The following SLC5A8 variants were observed in gnomAD, a reference collection of about 807,000 sequenced individuals.
SLC5A8 encodes sodium-coupled monocarboxylate transporter 1.
A neutral mutation model predicts 71.9 loss-of-function variants in SLC5A8; 55 were observed. That is an observed-to-expected ratio of 0.77 (90% confidence interval 0.62 to 0.96). The LOEUF is 0.96. SLC5A8 is among the 40% of genes least tolerant of loss of function. SLC5A8 has a pLI of 0.00. For missense variants in SLC5A8, 701 were observed against 745.3 expected (o/e 0.94, Z 0.69); for synonymous variants, 307 against 276.1 (o/e 1.11, Z -1.11).
intron 9 of SLC5A8, among the ~76,000 whole-genome samples, chr12:101,182,372 G>A (rs1359313535): frequency 1.3e-5 from 2 of 152,302 alleles, no homozygotes; most frequent in South Asian, 4.1e-4. Flanking sequence ...AACTGACAGT[G>A]CCTTCTTAGG....
intron 13 of SLC5A8, among the ~76,000 whole-genome samples, chr12:101,160,880 C>G (rs977096692): frequency 9.9e-5 from 15 of 151,956 alleles, no homozygotes; most frequent in African/African-American, 3.4e-4. Context: ...TAGGAGTTCT[C>G]AGAGAGAGAA....
At chr12:101,202,110 G>C in intron 3 of SLC5A8, 54 bp downstream of exon 3, 1 of 1,541,378 alleles carries the variant, frequency 6.5e-7, no homozygotes, top group Non-Finnish European at 8.9e-7. Context: ...AATAAGGCTT[G>C]TTGAAAGTGA....
chr12:101,156,775 G>C lies in SLC5A8; in HGVS notation c.*504C>G, dbSNP rs1566302015. 6.5e-6 allele frequency: 1 copy of C among 153,970 alleles called. No individual in the cohort carries two copies. Among genetic ancestry groups the C allele is most frequent in the Non-Finnish European group, 1.4e-5 (1 of 69,260 alleles). 9.5% of individuals were successfully genotyped at this position (153,970 alleles called of 1,614,324 possible). A position where few individuals can be genotyped will look rare whatever the true frequency, so the allele number is the denominator to read the frequency against. Reference sequence around the variant, plus strand: ...GGTTAGTATATGCCCTGGACTGATAGGGGGATAAAAAGCAAAGATCTAGAC... The same window carrying C: ...GGTTAGTATATGCCCTGGACTGATACGGGGATAAAAAGCAAAGATCTAGAC... On this transcript the variant is annotated 3_prime_UTR_variant, in exon 15 of 15. Coordinates refer to ENST00000536262, the MANE Select transcript of SLC5A8 (RefSeq NM_145913.5).
At chr12:101,187,337 G>C (rs760968354) in intron 7 of SLC5A8, 49 bp downstream of exon 7, 2 of 1,560,142 alleles carry the variant, frequency 1.3e-6, no homozygotes, top group Admixed American at 3.8e-5. Context: ...CAACTAATAA[G>C]CTTTTTGAAT....
chr12:101,164,718 G>C (rs2051753549), intron 12 of SLC5A8, among the ~76,000 whole-genome samples: 1 of 152,164 alleles, frequency 6.6e-6, no homozygotes, highest in Admixed American at 6.5e-5. Context: ...CCTCTAAGAA[G>C]GTTTCCTTGA....
Position 101,157,127 on chromosome 12 carries a change from G to T in SLC5A8, c.*152C>A. The stretch of plus-strand genomic sequence containing the variant: ...AACATCAATTAATGATGTAGTAAAT[G>T]AAGATAGTCCAGACTTTGTTTTAAC... On this transcript the variant is annotated 3_prime_UTR_variant, in exon 15 of 15. Coordinates refer to ENST00000536262, the MANE Select transcript of SLC5A8 (RefSeq NM_145913.5). The T allele has an allele frequency of 1.3e-6, 1 of 755,440 alleles. No individual in the cohort carries two copies. The allele number at this position is 755,440 out of a possible 1,614,324, so 46.8% of individuals were successfully genotyped here.
chr12:101,192,201 C>G (rs1054833952), intron 5 of SLC5A8, among the ~76,000 whole-genome samples: 9 of 152,196 alleles, frequency 5.9e-5, no homozygotes, highest in Admixed American at 4.6e-4. Context: ...AACCAAGGTC[C>G]AAGCTAGGCA....
At position 101,204,490 on chromosome 12, in the gene SLC5A8, A is replaced by G. The variant is rs1023821439; in HGVS notation, c.417+10T>C. 1.3e-5 allele frequency: 20 copies of G among 1,584,332 alleles called. No homozygotes were observed. The highest frequency in any genetic ancestry group is 1.7e-5 in the Non-Finnish European group (20 of 1,168,196). On this transcript the variant is annotated intron_variant, in intron 2 of 14. Transcript: ENST00000536262. ...CTGACAAAAGATAAAATAAATGGAG[A>G]GCTACTTACTGTTTGAACAATGAAG...
intron 10 of SLC5A8, among the ~76,000 whole-genome samples, chr12:101,179,671 G>A (rs1245863699): frequency 6.6e-6 from 1 of 152,156 alleles, no homozygotes; most frequent in African/African-American, 2.4e-5. Flanking sequence ...CTACAAATGG[G>A]CAACAGCAAG....
chr12:101,190,321 T>G, intron 6 of SLC5A8, 147 bp downstream of exon 6: 1 of 822,734 alleles, frequency 1.2e-6, no homozygotes, highest in Non-Finnish European at 1.9e-6. Flanking sequence ...AATTTGTTCT[T>G]GGTCCTTTTG....
intron 10 of SLC5A8, among the ~76,000 whole-genome samples, chr12:101,173,510 G>A (rs1345604776): frequency 6.6e-6 from 1 of 152,218 alleles, no homozygotes; most frequent in Non-Finnish European, 1.5e-5. Context: ...GGATCGACCA[G>A]GCAGAATGAC....
At chr12:101,192,454 C>T (rs556974999) in intron 5 of SLC5A8, among the ~76,000 whole-genome samples, 1 of 152,142 alleles carries the variant, frequency 6.6e-6, no homozygotes, top group African/African-American at 2.4e-5. Context: ...GGGCTGCGAT[C>T]TCAAAGAGAA....
At chr12:101,177,444 TACACACACACAC>T (rs60836789) in intron 10 of SLC5A8, among the ~76,000 whole-genome samples, 1 of 94,426 alleles carries the variant, frequency 1.1e-5, no homozygotes, top group Non-Finnish European at 2.2e-5. Flanking sequence ...AGGCAGTATA[TACACACACACAC>T]ACACACACAC....
At chr12:101,208,228 C>T (rs1471813751) in intron 1 of SLC5A8, among the ~76,000 whole-genome samples, 1 of 152,128 alleles carries the variant, frequency 6.6e-6, no homozygotes, top group Non-Finnish European at 1.5e-5. Context: ...CAAACACAGC[C>T]CCAGAGTGAA....
chr12:101,172,049 G>C (rs111820862), intron 10 of SLC5A8, among the ~76,000 whole-genome samples: 1,658 of 152,226 alleles, frequency 0.011, 17 homozygotes, highest in South Asian at 0.029. Flanking sequence ...TAGGTCTGGG[G>C]ACACTGTGTG....
intron 3 of SLC5A8, chr12:101,199,196 A>C (rs1869327866): frequency 1.3e-5 from 2 of 152,040 alleles, no homozygotes; most frequent in African/African-American, 4.8e-5. Flanking sequence ...GAAATAGTAA[A>C]AGACCTCAAC....
At position 101,193,750 on chromosome 12, in the gene SLC5A8, A is replaced by G; in HGVS notation, c.567T>C (p.Asp189=). ...CCACCATGATCCCAACTTGAAAAAC[A>G]TCTGTCCAGATAACTGCTTTAAGAC... The part of the protein sequence containing the change: ...LGGLKAVIWT[D]VFQVGIMVAG... The change falls in exon 5 of 15, where the codon GAT becomes GAC. Residue 189 remains aspartate, a synonymous_variant. Transcript: ENST00000536262. The G allele has an allele frequency of 6.2e-7, 1 of 1,614,188 alleles. No individual in the cohort carries two copies.
chr12:101,209,870 C>A lies in SLC5A8; in HGVS notation c.-22G>T. The stretch of plus-strand genomic sequence containing the variant: ...CCATGGCCGCACGGTCGCCTGAGCC[C>A]TGCGCGCAAACTGGTGGCCCCGCGG... On this transcript the variant is annotated 5_prime_UTR_variant, in exon 1 of 15. In the 5' UTR this introduces an upstream ATG that the reference lacks. Transcript: ENST00000536262. 2 of 1,500,328 alleles carry A rather than the reference C, an allele frequency of 1.3e-6. No homozygotes were observed. Among genetic ancestry groups the A allele is most frequent in the Non-Finnish European group, 1.8e-6 (2 of 1,125,304 alleles). The allele number at this position is 1,500,328 out of a possible 1,614,324, so 92.9% of individuals were successfully genotyped here.
In SLC5A8 at chr12:101,195,740, A is replaced by G. The variant is rs567051786; in HGVS notation, c.470-578T>C. Among the ~76,000 whole-genome samples the G allele has an allele frequency of 1.2e-3, 146 of 126,196 alleles. 1 individual carries two copies. The highest frequency in any genetic ancestry group is 2.0e-3 in the Non-Finnish European group (125 of 63,790). The allele number at this position is 126,196 out of a possible 152,430, so 82.8% of individuals were successfully genotyped here. ...TTTGGCGAAGTCTTGCTTTGTTACCAGGCTGGAGTGCAGTGGTGTGATCTC... is the reference window on the plus strand; with the variant it reads ...TTTGGCGAAGTCTTGCTTTGTTACCGGGCTGGAGTGCAGTGGTGTGATCTC... On this transcript the variant is annotated intron_variant, in intron 3 of 14. Transcript: ENST00000536262.
Sources: allele counts gnomAD v4.1 joint callset (sites outside exome capture counted in the v4.1 genomes callset), GRCh38; gene constraint gnomAD v4.1.1; transcripts MANE v1.5; gene names NCBI Gene and HGNC (gene_info 2026-07-23, HGNC 2026-07-21).